SHCBP1: variants seen among roughly 807,000 people sequenced by gnomAD.
SHCBP1 encodes SHC SH2 domain-binding protein 1.
In SHCBP1, 60 loss-of-function variants were observed where a neutral mutation model predicts 75.1. The observed-to-expected ratio is 0.80, with a 90% CI of 0.65 to 0.99. The LOEUF (loss-of-function observed/expected upper bound fraction) is 0.99, where lower values mean the gene tolerates loss of function less well. Ranked by LOEUF, SHCBP1 falls within the 50% of genes least tolerant of loss-of-function variation. The probability of loss-of-function intolerance (pLI) is 0.00; values close to 1 mark genes in which losing one functional copy is unlikely to be tolerated. For missense variants in SHCBP1, 709 were observed against 809.4 expected, an observed-to-expected ratio of 0.88 and a Z score of 1.50; for synonymous variants, 290 against 293.2, an observed-to-expected ratio of 0.99 and a Z score of 0.11.
At chr16:46,599,805 G>C (rs199872538) in intron 9 of SHCBP1, 26 bp downstream of exon 9, 15 of 1,558,616 alleles carry the variant, frequency 9.6e-6, no homozygotes, top group Non-Finnish European at 1.1e-5. Context: ...TAGAACAAAT[G>C]ATATACCAAA....
chr16:46,616,657 G>A lies in SHCBP1; in HGVS notation c.388-503C>T, dbSNP rs1409706842. Among the ~76,000 whole-genome samples the A allele has an allele frequency of 6.6e-6, 1 of 152,184 alleles. No homozygotes were observed. The highest frequency in any genetic ancestry group is 6.5e-5 in the Admixed American group (1 of 15,274). ...GACCAGGACATGAAGGACATCTGAA[G>A]GAGCTTGGATTTTAAGTGTTTTCTA... On this transcript the variant is annotated intron_variant, in intron 3 of 12. Transcript: ENST00000303383. This position sits in a 1 kb window ranked among gnomAD's most constrained non-coding sequence, Gnocchi z 4.4.
chr16:46,611,152 T>C lies in SHCBP1; in HGVS notation c.597-2763A>G, dbSNP rs567206707. Reference sequence around the variant, plus strand: ...TACCTTGTCCCAGTCTGAGTGTGGGTGTGTGAGTGCACTCTGTGATGAAAT... The same window carrying C: ...TACCTTGTCCCAGTCTGAGTGTGGGCGTGTGAGTGCACTCTGTGATGAAAT... On this transcript the variant is annotated intron_variant, in intron 4 of 12. Coordinates refer to ENST00000303383, the MANE Select transcript of SHCBP1 (RefSeq NM_024745.5). 3.3e-5 allele frequency among the ~76,000 whole-genome samples: 5 copies of C among 152,270 alleles called. No homozygotes were observed. The East Asian group carries it at 9.6e-4, about 29-fold the overall frequency.
intron 8 of SHCBP1, 100 bp downstream of exon 8, chr16:46,603,439 G>A: frequency 6.6e-7 from 1 of 1,520,726 alleles, no homozygotes; most frequent in Non-Finnish European, 9.0e-7. Flanking sequence ...AAATCAAATG[G>A]GTTCAAATCA....
chr16:46,617,070 A>G (rs946771562), intron 3 of SHCBP1, among the ~76,000 whole-genome samples: 6 of 152,242 alleles, frequency 3.9e-5, no homozygotes, highest in African/African-American at 1.4e-4. Context: ...TGTAATTAGA[A>G]TGCAAATGTA....
At chr16:46,588,082 C>G (rs1033669937) in intron 10 of SHCBP1, among the ~76,000 whole-genome samples, 2 of 152,040 alleles carry the variant, frequency 1.3e-5, no homozygotes, top group African/African-American at 4.8e-5. Flanking sequence ...GGGTACATAA[C>G]GAAATGAAGG....
At chr16:46,595,186 T>A (rs117574596) in intron 10 of SHCBP1, among the ~76,000 whole-genome samples, 2,151 of 152,266 alleles carry the variant, frequency 0.014, 26 homozygotes, top group Non-Finnish European at 0.021. Flanking sequence ...TCGATGTCAG[T>A]ATTCTGGTTG....
At chr16:46,609,305 C>T (rs1384004487) in intron 4 of SHCBP1, among the ~76,000 whole-genome samples, 1 of 151,982 alleles carries the variant, frequency 6.6e-6, no homozygotes, top group Non-Finnish European at 1.5e-5. Flanking sequence ...CCAGCCTGGG[C>T]AACACAGTGA....
intron 10 of SHCBP1, among the ~76,000 whole-genome samples, chr16:46,588,475 A>C (rs1487539423): frequency 6.6e-6 from 1 of 152,236 alleles, no homozygotes; most frequent in Non-Finnish European, 1.5e-5. Flanking sequence ...TGCAATAAAA[A>C]CTAATAAAGG....
intron 4 of SHCBP1, among the ~76,000 whole-genome samples, chr16:46,608,602 A>AC (rs1965359982): frequency 1.2e-5 from 1 of 82,910 alleles, no homozygotes; most frequent in South Asian, 4.8e-4. Context: ...TTTTGTTAGG[A>AC]CTTTTTTTTT....
In SHCBP1 at chr16:46,581,535, C is replaced by A; in HGVS notation, c.*194G>T. On this transcript the variant is annotated 3_prime_UTR_variant, in exon 13 of 13. Coordinates refer to ENST00000303383, the MANE Select transcript of SHCBP1 (RefSeq NM_024745.5). ...CTCCAAATATTTTCTATTTTATATGCATTTATGATTTTTCTTATAAAGAGG... is the reference window on the plus strand; with the variant it reads ...CTCCAAATATTTTCTATTTTATATGAATTTATGATTTTTCTTATAAAGAGG... 1.8e-6 allele frequency: 1 copy of A among 544,546 alleles called. No homozygotes were observed. Among genetic ancestry groups the A allele is most frequent in the Non-Finnish European group, 3.2e-6 (1 of 311,730 alleles). 33.7% of individuals were successfully genotyped at this position (544,546 alleles called of 1,614,324 possible).
rs148629968 is a variant in SHCBP1 at position 46,593,764 on chromosome 16, G to T, written c.1464+1788C>A. On this transcript the variant is annotated intron_variant, in intron 10 of 12. Coordinates refer to ENST00000303383, the MANE Select transcript of SHCBP1 (RefSeq NM_024745.5). ...CTATCTCAAAAAAAAAAAGAAATCAGAGATTTTAAATAAATGGAGAAATAC... is the reference window on the plus strand; with the variant it reads ...CTATCTCAAAAAAAAAAAGAAATCATAGATTTTAAATAAATGGAGAAATAC... 6.3e-4 allele frequency among the ~76,000 whole-genome samples: 96 copies of T among 151,946 alleles called. No individual in the cohort carries two copies. The Middle Eastern group carries it at 0.014, about 22-fold the overall frequency.
intron 10 of SHCBP1, among the ~76,000 whole-genome samples, chr16:46,592,950 T>TAAAAAAAAAAAAAAAAAAA (rs1567444433): frequency 6.9e-4 from 1 of 1,442 alleles, no homozygotes; most frequent in Non-Finnish European, 1.4e-3. Flanking sequence ...ATAAAAATTC[T>TAAAAAAAAAAAAAAAAAAA]CAAAAAAAAA....
chr16:46,598,150 T>A (rs904298647), intron 9 of SHCBP1, among the ~76,000 whole-genome samples: 1 of 152,192 alleles, frequency 6.6e-6, no homozygotes, highest in East Asian at 1.9e-4. Context: ...CCCCTGTTAA[T>A]GTTGAGATTT....
At chr16:46,587,089 C>A (rs959730362) in intron 10 of SHCBP1, among the ~76,000 whole-genome samples, 3 of 152,052 alleles carry the variant, frequency 2.0e-5, no homozygotes, top group African/African-American at 7.2e-5. Context: ...TTATGTTTGA[C>A]ATTTGAAACA....
At chr16:46,583,134 G>A (rs934122384) in intron 12 of SHCBP1, among the ~76,000 whole-genome samples, 5 of 152,028 alleles carry the variant, frequency 3.3e-5, no homozygotes, top group East Asian at 1.9e-4. Context: ...CTTAACAAAC[G>A]CCAGTAGGAG....
intron 9 of SHCBP1, 57 bp downstream of exon 9, chr16:46,599,774 G>A: frequency 7.0e-7 from 1 of 1,437,570 alleles, no homozygotes; most frequent in South Asian, 1.4e-5. Flanking sequence ...TCCATAGAGA[G>A]AACCGTTTAC....
At chr16:46,620,148 CAT>C (rs1965563032) in intron 1 of SHCBP1, among the ~76,000 whole-genome samples, 1 of 152,196 alleles carries the variant, frequency 6.6e-6, no homozygotes, top group Admixed American at 6.5e-5. Context: ...CATCACCTCG[CAT>C]AGTTACCTTT....
intron 10 of SHCBP1, among the ~76,000 whole-genome samples, chr16:46,587,680 T>A (rs1164034352): frequency 2.0e-5 from 3 of 152,082 alleles, no homozygotes; most frequent in African/African-American, 7.2e-5. Flanking sequence ...CTTAGAGACC[T>A]ACAAAGAGAC....
intron 1 of SHCBP1, 99 bp from the exon 2 acceptor site, chr16:46,618,471 G>C: frequency 7.8e-7 from 1 of 1,289,208 alleles, no homozygotes; most frequent in Non-Finnish European, 1.0e-6. Context: ...ATACAAACAA[G>C]AATTTGAATA....
Sources: allele counts gnomAD v4.1 joint callset (sites outside exome capture counted in the v4.1 genomes callset), GRCh38; gene constraint gnomAD v4.1.1; non-coding constraint Gnocchi (gnomAD v3.1); transcripts MANE v1.5; gene names NCBI Gene and HGNC (gene_info 2026-07-23, HGNC 2026-07-21).